The following ATP2B3 variants were observed in gnomAD, a reference collection of about 807,000 sequenced individuals.
The protein encoded by ATP2B3 is plasma membrane calcium-transporting ATPase 3.
ATP2B3 carries 12 observed loss-of-function variants against 70.8 expected under a neutral mutation model. The ratio of observed to expected loss-of-function variants is 0.17; its 90% confidence interval spans 0.11 to 0.27. The LOEUF (loss-of-function observed/expected upper bound fraction) is 0.27. Ranked by LOEUF, ATP2B3 falls within the 10% of genes least tolerant of loss-of-function variation. ATP2B3 has a pLI of 1.00. For synonymous variants in ATP2B3, 460 were observed against 497.8 expected, an observed-to-expected ratio of 0.92 and a Z score of 1.01; for missense variants, 858 against 1,118.5, an observed-to-expected ratio of 0.77 and a Z score of 3.32.
intron 2 of ATP2B3, among the ~76,000 whole-genome samples, chrX:153,532,267 C>T (rs1449489699): frequency 7.1e-5 from 8 of 112,710 alleles, no homozygotes; most frequent in African/African-American, 2.6e-4. Flanking sequence ...CGGGGGTGCC[C>T]CCTACTTAGA....
rs782569580 is a variant in ATP2B3 at position 153,543,502 on chromosome X, G to A, written c.916+334G>A. ...AGCCTCATGCTTACCCTCAGGGCCCGTGCCCAGTAAGGTGCCGAGGATCCC... is the reference window on the plus strand; with the variant it reads ...AGCCTCATGCTTACCCTCAGGGCCCATGCCCAGTAAGGTGCCGAGGATCCC... On this transcript the variant is annotated intron_variant, in intron 7 of 21. Coordinates refer to ENST00000263519, the MANE Select transcript of ATP2B3 (RefSeq NM_001001344.3). Among the ~76,000 whole-genome samples the A allele has an allele frequency of 8.9e-5, 10 of 112,894 alleles. No homozygotes were observed. The East Asian group carries it at 2.8e-3, about 32-fold the overall frequency.
At chrX:153,542,939 C>T (rs2090309485) in intron 6 of ATP2B3, 104 bp from the exon 7 acceptor site, 7 of 1,051,733 alleles carry the variant, frequency 6.7e-6, no homozygotes, top group Middle Eastern at 3.1e-4. Context: ...GTGGACACCG[C>T]GTCCCTGCTT....
In ATP2B3 at chrX:153,567,798, C is replaced by T. The variant is rs182533515; in HGVS notation, c.3342+2695C>T. 2.0e-4 allele frequency among the ~76,000 whole-genome samples: 23 copies of T among 112,322 alleles called. No individual in the cohort carries two copies. The East Asian group carries it at 5.6e-3, about 27-fold the overall frequency. On this transcript the variant is annotated intron_variant, in intron 21 of 21. Coordinates refer to ENST00000263519, the MANE Select transcript of ATP2B3 (RefSeq NM_001001344.3). ...GGCACCAGCCGATCCGACTCTTCCA[C>T]GGGCTCCTGACCCCCATGGCTTTTC...
At chrX:153,534,053 G>A (rs1183138042) in intron 2 of ATP2B3, among the ~76,000 whole-genome samples, 13 of 112,153 alleles carry the variant, frequency 1.2e-4, no homozygotes, top group Non-Finnish European at 1.7e-4. Flanking sequence ...TCTGTCACCC[G>A]CTGGGGGCAC....
chrX:153,536,301 G>A lies in ATP2B3; in HGVS notation c.54G>A (p.Gln18=). ...SIEFHPKPQQ[Q]RDVPQAGGFG... ...AGTTCCACCCCAAGCCCCAGCAGCAGCGGGATGTCCCCCAGGCTGGAGGCT... is the reference window on the plus strand; with the variant it reads ...AGTTCCACCCCAAGCCCCAGCAGCAACGGGATGTCCCCCAGGCTGGAGGCT... Residue 18 remains glutamine (Q), a synonymous_variant, in exon 3 of 22, where the codon CAG becomes CAA. Transcript: ENST00000263519. 8.3e-7 allele frequency: 1 copy of A among 1,200,212 alleles called. No homozygotes were observed. Among genetic ancestry groups the A allele is most frequent in the Non-Finnish European group, 1.1e-6 (1 of 889,717 alleles).
At chrX:153,533,878 G>C (rs2090151988) in intron 2 of ATP2B3, among the ~76,000 whole-genome samples, 1 of 111,865 alleles carries the variant, frequency 8.9e-6, no homozygotes, top group African/African-American at 3.3e-5. Context: ...GGGGAGGACA[G>C]AGCTGGCCTT....
intron 8 of ATP2B3, among the ~76,000 whole-genome samples, 196 bp downstream of exon 8, chrX:153,546,325 T>C (rs2090365734): frequency 8.9e-6 from 1 of 112,025 alleles, no homozygotes; most frequent in Non-Finnish European, 1.9e-5. Context: ...GCTCAGGGCA[T>C]CCTGGCCACA....
chrX:153,526,795 T>C (rs1556999998), intron 2 of ATP2B3, among the ~76,000 whole-genome samples: 1 of 111,947 alleles, frequency 8.9e-6, no homozygotes, highest in East Asian at 2.8e-4. Context: ...ACTCCCATCT[T>C]CAGTTGGAGC....
Position 153,559,781 on chromosome X carries a change from C to T in ATP2B3, c.2678C>T (p.Thr893Ile). The T allele has an allele frequency of 8.3e-7, 1 of 1,211,885 alleles. No homozygotes were observed. The highest frequency in any genetic ancestry group is 1.1e-6 in the Non-Finnish European group (1 of 895,571). The change falls in exon 18 of 22, where the codon ACA (threonine) becomes ATA (isoleucine). Residue 893 changes from threonine (T) to isoleucine (I), a missense_variant. This residue lies in a region of ATP2B3 where 50 missense variants were observed against 106.7 expected (regional missense o/e 0.47). Coordinates refer to ENST00000263519, the MANE Select transcript of ATP2B3 (RefSeq NM_001001344.3). ...QMLWVNLIMD[T>I]FASLALATEP... ...TTGTGGGTGAACTTGATCATGGACA[C>T]ATTTGCCTCTCTGGCCCTGGCGACG... is the stretch of plus-strand genomic sequence containing the variant.
chrX:153,553,328 C>A, intron 13 of ATP2B3, 59 bp downstream of exon 13: 4 of 1,059,355 alleles, frequency 3.8e-6, no homozygotes, highest in Non-Finnish European at 5.2e-6. Context: ...CCGAGCTTGT[C>A]CGGACTGGTA....
At chrX:153,543,983 G>T (rs937333295) in intron 7 of ATP2B3, among the ~76,000 whole-genome samples, 2 of 112,989 alleles carry the variant, frequency 1.8e-5, no homozygotes, top group Non-Finnish European at 3.8e-5. Flanking sequence ...AGGGCCCGGG[G>T]AAAAGGTCAG....
At chrX:153,530,090 G>A (rs2090093286) in intron 2 of ATP2B3, among the ~76,000 whole-genome samples, 1 of 112,488 alleles carries the variant, frequency 8.9e-6, no homozygotes, top group South Asian at 3.7e-4. Flanking sequence ...CAGTGGGGTG[G>A]GTGGGTCCTA....
Position 153,557,042 on chromosome X carries a change from G to C in ATP2B3, c.2433+19G>C. ...CGCCATGGTAAGCCACCTGGTGCCC[G>C]CCCAGCTCACCACGGCAGATGGGGC... On this transcript the variant is annotated intron_variant, in intron 16 of 21. Transcript: ENST00000263519. The C allele has an allele frequency of 8.7e-7, 1 of 1,153,979 alleles. No homozygotes were observed. The highest frequency in any genetic ancestry group is 1.2e-6 in the Non-Finnish European group (1 of 860,398).
chrX:153,542,345 C>G lies in ATP2B3; in HGVS notation c.687C>G (p.Gly229=). 1 of 1,211,437 alleles carries G rather than the reference C, an allele frequency of 8.3e-7. No individual in the cohort carries two copies. The highest frequency in any genetic ancestry group is 1.1e-6 in the Non-Finnish European group (1 of 895,502). The change falls in exon 6 of 22, where the codon GGC becomes GGG. Residue 229 remains glycine (G), a synonymous_variant. Transcript: ENST00000263519. ...TAGGCGACCTGCTGCCAGCCGACGG[C>G]GTGCTCATCCAGGCCAATGACCTCA... The part of the protein sequence containing the change: ...VKYGDLLPAD[G]VLIQANDLKI...
intron 21 of ATP2B3, among the ~76,000 whole-genome samples, chrX:153,573,807 G>A (rs2090821931): frequency 8.9e-6 from 1 of 112,368 alleles, no homozygotes; most frequent in Non-Finnish European, 1.9e-5. Context: ...GACTCGCCGC[G>A]CCCAGGTCAG....
At chrX:153,523,468 C>G (rs1430033084) in intron 2 of ATP2B3, among the ~76,000 whole-genome samples, 1 of 112,193 alleles carries the variant, frequency 8.9e-6, no homozygotes, top group African/African-American at 3.2e-5. Flanking sequence ...GAGGTATCTT[C>G]TGCCAAATTG....
chrX:153,533,768 A>T (rs2090150818), intron 2 of ATP2B3, among the ~76,000 whole-genome samples: 1 of 111,848 alleles, frequency 8.9e-6, no homozygotes, highest in African/African-American at 3.2e-5. Flanking sequence ...CTGTGGGTCC[A>T]GTCAGACACA....
intron 2 of ATP2B3, among the ~76,000 whole-genome samples, chrX:153,532,462 A>G (rs1476887017): frequency 9.0e-6 from 1 of 111,725 alleles, no homozygotes; most frequent in Non-Finnish European, 1.9e-5. Context: ...CTCTGAGCCT[A>G]GTTGGGAGGT....
chrX:153,525,905 T>TG (rs1556999602), intron 2 of ATP2B3, among the ~76,000 whole-genome samples: 1 of 113,184 alleles, frequency 8.8e-6, no homozygotes, highest in Non-Finnish European at 1.9e-5. Flanking sequence ...TGCGCTGACC[T>TG]GGGGGCCACT....
Sources: gnomAD v4.1 joint callset for allele counts (sites outside exome capture counted in the v4.1 genomes callset) on GRCh38, gnomAD v4.1.1 for gene constraint, gnomAD v4.1.1 regional missense constraint, MANE v1.5 for transcripts, NCBI Gene and HGNC (gene_info 2026-07-23, HGNC 2026-07-21) for gene names.